Variants in OSBPL9 observed in about 807,000 individuals in gnomAD.
OSBPL9 encodes the protein oxysterol-binding protein-related protein 9.
Under a neutral mutation model 106.6 loss-of-function variants are expected in OSBPL9, and 40 were observed. The observed-to-expected ratio is 0.38, with a 90% CI of 0.29 to 0.49. OSBPL9 has a LOEUF of 0.49. Ranked by LOEUF, OSBPL9 falls within the 20% of genes least tolerant of loss-of-function variation. OSBPL9 has a pLI of 0.97. For synonymous variants in OSBPL9, 269 were observed against 295.4 expected (o/e 0.91, Z 0.92); for missense variants, 609 against 887.2 (o/e 0.69, Z 3.98).
chr1:51,776,120 C>G (rs1025412847), intron 14 of OSBPL9, among the ~76,000 whole-genome samples: 1 of 152,092 alleles, frequency 6.6e-6, no homozygotes, highest in African/African-American at 2.4e-5. Context: ...TCATGTCTTC[C>G]CGTATTCCAG....
intron 2 of OSBPL9, among the ~76,000 whole-genome samples, chr1:51,658,629 A>C (rs922818385): frequency 2.6e-5 from 4 of 152,074 alleles, no homozygotes; most frequent in Non-Finnish European, 4.4e-5. Context: ...TGAGAGATGC[A>C]TTATCTATTC....
chr1:51,727,809 G>A (rs1279995089), intron 4 of OSBPL9, among the ~76,000 whole-genome samples: 1 of 152,108 alleles, frequency 6.6e-6, no homozygotes, highest in African/African-American at 2.4e-5. Context: ...TTCAGCATGG[G>A]CAACATGAGA....
chr1:51,550,264 G>A, the OSBPL9 span, among the ~76,000 whole-genome samples: 2 of 152,220 alleles, frequency 1.3e-5, no homozygotes, highest in African/African-American at 4.8e-5. Flanking sequence ...ATGATGACAC[G>A]TGAGCAGGTA....
At chr1:51,551,929 TTACA>T in the OSBPL9 span, among the ~76,000 whole-genome samples, 1 of 151,252 alleles carries the variant, frequency 6.6e-6, no homozygotes, top group Admixed American at 6.6e-5. Flanking sequence ...TAGTGTTTAT[TTACA>T]TACAAAGTTT....
In OSBPL9 at chr1:51,669,464, G is replaced by C; in HGVS notation, c.193G>C (p.Asp65His). 6.2e-7 allele frequency: 1 copy of C among 1,614,016 alleles called. No individual in the cohort carries two copies. The highest frequency in any genetic ancestry group is 8.5e-7 in the Non-Finnish European group (1 of 1,179,956). The stretch of plus-strand genomic sequence containing the variant: ...TGTGATTGGTATAGACGATGAGGAC[G>C]ACAGCACCTTCACAATAACTGTTGA... ...GAVIGIDDED[D>H]STFTITVDQK... is the part of the protein sequence containing the mutation. Residue 65 changes from aspartate to histidine, a missense_variant, in exon 3 of 24, where the codon GAC becomes CAC. By Grantham distance (81) the Asp-to-His change is moderately conservative. This residue lies in a region of OSBPL9 where 72 missense variants were observed against 140.5 expected (regional missense o/e 0.51). Transcript: ENST00000428468.
At chr1:51,528,573 AT>A in the OSBPL9 span, among the ~76,000 whole-genome samples, 1 of 151,514 alleles carries the variant, frequency 6.6e-6, no homozygotes, top group Admixed American at 6.6e-5. Flanking sequence ...TGAAAATGAA[AT>A]TAAAAAATCA....
At chr1:51,663,024 A>C (rs773830761) in intron 2 of OSBPL9, among the ~76,000 whole-genome samples, 4 of 152,154 alleles carry the variant, frequency 2.6e-5, no homozygotes, top group Non-Finnish European at 5.9e-5. Context: ...GATTACAGGC[A>C]TGAGCCACCG....
intron 3 of OSBPL9, among the ~76,000 whole-genome samples, chr1:51,669,966 C>G (rs918098390): frequency 6.6e-6 from 1 of 152,142 alleles, no homozygotes; most frequent in Non-Finnish European, 1.5e-5. Flanking sequence ...AGGTTTTGCT[C>G]TGCTTCAAGA....
upstream of OSBPL9, among the ~76,000 whole-genome samples, chr1:51,613,610 G>GA (rs902938893): frequency 2.6e-5 from 4 of 151,690 alleles, no homozygotes; most frequent in African/African-American, 4.8e-5. Flanking sequence ...GAATTAATAA[G>GA]AAAAAAAATA....
intron 17 of OSBPL9, among the ~76,000 whole-genome samples, chr1:51,782,848 C>T (rs929273739): frequency 1.3e-5 from 2 of 152,226 alleles, no homozygotes; most frequent in South Asian, 2.1e-4. Flanking sequence ...AAATTAAGTG[C>T]GTATAAAAAG....
rs34379031 is a variant in OSBPL9 at position 51,592,108 on chromosome 1, C to CTTTTT, written c.-422-5996_-422-5992dup. Among the ~76,000 whole-genome samples, 107 of 77,006 alleles carry CTTTTT rather than the reference C, an allele frequency of 1.4e-3. 2 individuals are homozygous for CTTTTT. The highest frequency in any genetic ancestry group is 2.3e-3 in the East Asian group (6 of 2,602). 50.5% of individuals were successfully genotyped at this position (77,006 alleles called of 152,430 possible). A position where few individuals can be genotyped will look rare whatever the true frequency, so the allele number is the denominator to read the frequency against. Reference sequence around the variant, plus strand: ...CCTCAACGATTACTTGTTGCTAAGGCTTTTTTTTTTTTTTTTTTTTTTTTG... The same window carrying CTTTTT: ...CCTCAACGATTACTTGTTGCTAAGGCTTTTTTTTTTTTTTTTTTTTTTTTTTTTTG... On this transcript the variant is annotated intron_variant, in intron 1 of 25. Transcript: ENST00000371714.
At chr1:51,595,373 CCATCCATCCTTCCATT>C (rs1394489476) in intron 1 of OSBPL9, among the ~76,000 whole-genome samples, 4 of 152,170 alleles carry the variant, frequency 2.6e-5, no homozygotes, top group Non-Finnish European at 5.9e-5. Context: ...ATCCTTCCAT[CCATCCATCCTTCCATT>C]CATCCATCCA....
chr1:51,718,739 A>G (rs1314509557), intron 4 of OSBPL9, among the ~76,000 whole-genome samples: 1 of 152,174 alleles, frequency 6.6e-6, no homozygotes, highest in Non-Finnish European at 1.5e-5. Flanking sequence ...TTGAATCCTC[A>G]CAGTAGACTG....
intron 15 of OSBPL9, among the ~76,000 whole-genome samples, chr1:51,779,848 C>T (rs1466075719): frequency 6.6e-6 from 1 of 152,108 alleles, no homozygotes; most frequent in African/African-American, 2.4e-5. Flanking sequence ...GAGGCCAAGG[C>T]AGGTGGATCA....
intron 1 of OSBPL9, among the ~76,000 whole-genome samples, chr1:51,636,246 A>G (rs139369399): frequency 6.9e-6 from 1 of 144,728 alleles, no homozygotes; most frequent in African/African-American, 2.6e-5. Context: ...CTGTAGCCTC[A>G]AACTCCTAGG....
the OSBPL9 span, among the ~76,000 whole-genome samples, chr1:51,523,536 C>T: frequency 6.6e-6 from 1 of 152,022 alleles, no homozygotes; most frequent in East Asian, 1.9e-4. Flanking sequence ...GGGAATTATA[C>T]ACAATTATAC....
intron 1 of OSBPL9, 88 bp from the exon 2 acceptor site, chr1:51,651,903 A>G (rs926175100): frequency 9.5e-6 from 10 of 1,052,858 alleles, no homozygotes; most frequent in Non-Finnish European, 1.4e-5. Flanking sequence ...ATTACTGTAA[A>G]TCTTGTCCTT....
chr1:51,518,990 G>A, the OSBPL9 span, among the ~76,000 whole-genome samples: 1 of 151,300 alleles, frequency 6.6e-6, no homozygotes, highest in East Asian at 1.9e-4. Flanking sequence ...GACGACCCTG[G>A]GCGAGGTCGC....
At chr1:51,760,553 A>G in intron 9 of OSBPL9, 137 bp from the exon 10 acceptor site, 1 of 1,165,114 alleles carries the variant, frequency 8.6e-7, no homozygotes, top group Non-Finnish European at 1.2e-6. Flanking sequence ...AAGGTGTTTC[A>G]TTCCCTCTTT....
Sources: allele counts gnomAD v4.1 joint callset (sites outside exome capture counted in the v4.1 genomes callset), GRCh38; gene constraint gnomAD v4.1.1; regional missense constraint gnomAD v4.1.1; transcripts MANE v1.5; gene names NCBI Gene and HGNC (gene_info 2026-07-23, HGNC 2026-07-21).